The following NSMCE2 variants were observed in gnomAD, a reference collection of about 807,000 sequenced individuals.
NSMCE2 encodes E3 SUMO-protein ligase NSE2.
In NSMCE2, 24 loss-of-function variants were observed where a neutral mutation model predicts 23.8. That is an observed-to-expected ratio of 1.01 (90% confidence interval 0.73 to 1.42). The LOEUF (loss-of-function observed/expected upper bound fraction) is 1.42. NSMCE2 is among the 40% of genes most tolerant of loss of function. The probability of loss-of-function intolerance (pLI) is 0.00; values close to 1 mark genes in which losing one functional copy is unlikely to be tolerated. For missense variants in NSMCE2, 284 were observed against 296.5 expected, an observed-to-expected ratio of 0.96 and a Z score of 0.31; for synonymous variants, 92 against 94.1, an observed-to-expected ratio of 0.98 and a Z score of 0.13.
chr8:125,212,898 T>G (rs1479570701), intron 5 of NSMCE2, among the ~76,000 whole-genome samples: 2 of 152,170 alleles, frequency 1.3e-5, no homozygotes, highest in Non-Finnish European at 2.9e-5. Flanking sequence ...ATCTGCTAAT[T>G]CAAATATTTG....
chr8:125,204,647 G>A (rs1824032374), intron 5 of NSMCE2, among the ~76,000 whole-genome samples: 1 of 152,188 alleles, frequency 6.6e-6, no homozygotes, highest in Non-Finnish European at 1.5e-5. Context: ...GTAGAGCACA[G>A]GGGTTTTACT....
intron 5 of NSMCE2, among the ~76,000 whole-genome samples, chr8:125,271,146 A>G (rs1827171718): frequency 1.3e-5 from 2 of 151,948 alleles, no homozygotes; most frequent in Admixed American, 1.3e-4. Context: ...CTATAATCCC[A>G]GCTACTCAGG....
chr8:125,287,625 A>ACAAACCCACT (rs1827951262), intron 5 of NSMCE2, among the ~76,000 whole-genome samples: 2 of 152,314 alleles, frequency 1.3e-5, no homozygotes, highest in South Asian at 2.1e-4. Context: ...CACTCAGGCT[A>ACAAACCCACT]CAAACCCACT....
At chr8:125,241,488 G>A (rs1227698820) in intron 5 of NSMCE2, among the ~76,000 whole-genome samples, 1 of 152,236 alleles carries the variant, frequency 6.6e-6, no homozygotes, top group African/African-American at 2.4e-5. Context: ...TTATATCTGG[G>A]TCGTTTGTTT....
chr8:125,158,060 G>A (rs577412249), intron 4 of NSMCE2, among the ~76,000 whole-genome samples: 1 of 152,276 alleles, frequency 6.6e-6, no homozygotes, highest in East Asian at 1.9e-4. Flanking sequence ...TCTCTCTGGA[G>A]GAGGGACTGA....
chr8:125,354,712 C>T (rs1813181308), intron 5 of NSMCE2, among the ~76,000 whole-genome samples: 1 of 152,200 alleles, frequency 6.6e-6, no homozygotes, highest in African/African-American at 2.4e-5. Context: ...TACCAGTCTA[C>T]TCCAAGAAGG....
At chr8:125,357,905 C>G in intron 7 of NSMCE2, 87 bp downstream of exon 7, 5 of 862,760 alleles carry the variant, frequency 5.8e-6, no homozygotes, top group Non-Finnish European at 9.6e-6. Flanking sequence ...AGAGGCACTT[C>G]AATGTCTCTT....
chr8:125,109,836 C>T (rs866269858), intron 3 of NSMCE2, among the ~76,000 whole-genome samples: 3 of 152,100 alleles, frequency 2.0e-5, no homozygotes, highest in Non-Finnish European at 1.5e-5. Flanking sequence ...CATGTTTATT[C>T]ATTTTTCTCT....
chr8:125,333,337 T>C (rs1018915717), intron 5 of NSMCE2, among the ~76,000 whole-genome samples: 15 of 150,820 alleles, frequency 9.9e-5, no homozygotes, highest in African/African-American at 3.2e-4. Flanking sequence ...GCCTGGGTAA[T>C]TTTTTATTTT....
intron 3 of NSMCE2, among the ~76,000 whole-genome samples, chr8:125,141,841 GC>G (rs894869566): frequency 3.5e-4 from 54 of 152,248 alleles, no homozygotes; most frequent in African/African-American, 1.2e-3. Flanking sequence ...AGTGTTAGCT[GC>G]CCGTTCTTCT....
At chr8:125,251,453 T>C (rs1322091844) in intron 5 of NSMCE2, among the ~76,000 whole-genome samples, 1 of 152,238 alleles carries the variant, frequency 6.6e-6, no homozygotes, top group Non-Finnish European at 1.5e-5. Context: ...GATTAAATAT[T>C]AATGTAGAAG....
At chr8:125,094,012 C>A (rs1817809921) in intron 1 of NSMCE2, among the ~76,000 whole-genome samples, 1 of 151,684 alleles carries the variant, frequency 6.6e-6, no homozygotes, top group African/African-American at 2.4e-5. Flanking sequence ...CTGTGTTGCC[C>A]AGGCTGGTCT....
chr8:125,175,667 T>C (rs919766799), intron 4 of NSMCE2, among the ~76,000 whole-genome samples: 6 of 152,208 alleles, frequency 3.9e-5, no homozygotes, highest in African/African-American at 7.2e-5. Context: ...TTAATATCCT[T>C]AGCTCCTGTG....
At chr8:125,194,201 C>G (rs755317069) in intron 5 of NSMCE2, among the ~76,000 whole-genome samples, 4 of 152,120 alleles carry the variant, frequency 2.6e-5, no homozygotes, top group Non-Finnish European at 5.9e-5. Context: ...CTGCACAGTT[C>G]TATCAATCAA....
chr8:125,127,993 G>C (rs1183256705), intron 3 of NSMCE2, among the ~76,000 whole-genome samples: 1 of 152,096 alleles, frequency 6.6e-6, no homozygotes, highest in Non-Finnish European at 1.5e-5. Flanking sequence ...AAAAAGCTTT[G>C]GATTTTGGAG....
At position 125,328,014 on chromosome 8, in the gene NSMCE2, T is replaced by G. The variant is rs560761023; in HGVS notation, c.419-29205T>G. On this transcript the variant is annotated intron_variant, in intron 5 of 7. Coordinates refer to ENST00000287437, the MANE Select transcript of NSMCE2 (RefSeq NM_173685.4). Reference sequence around the variant, plus strand: ...AACTATCATAATTATGGGTGAGGTTTTCTAGCACAAGGAAAATCATTTTTT... The same window carrying G: ...AACTATCATAATTATGGGTGAGGTTGTCTAGCACAAGGAAAATCATTTTTT... 7.9e-5 allele frequency among the ~76,000 whole-genome samples: 12 copies of G among 152,338 alleles called. 1 individual carries two copies. The South Asian group carries it at 2.5e-3, about 32-fold the overall frequency.
chr8:125,350,409 G>A (rs1812984449), intron 5 of NSMCE2, among the ~76,000 whole-genome samples: 1 of 152,188 alleles, frequency 6.6e-6, no homozygotes, highest in Non-Finnish European at 1.5e-5. Flanking sequence ...GGAGGAGCTT[G>A]GCATGTTCCA....
At chr8:125,205,109 G>C (rs566740329) in intron 5 of NSMCE2, among the ~76,000 whole-genome samples, 3 of 152,270 alleles carry the variant, frequency 2.0e-5, no homozygotes, top group African/African-American at 7.2e-5. Flanking sequence ...CACTCTTGCT[G>C]ATCTCTTCAT....
chr8:125,288,370 G>A (rs1827978875), intron 5 of NSMCE2, among the ~76,000 whole-genome samples: 1 of 152,114 alleles, frequency 6.6e-6, no homozygotes, highest in Admixed American at 6.5e-5. Flanking sequence ...CTCAGGTAGT[G>A]CATCATACAC....
Sources: allele counts gnomAD v4.1 joint callset (sites outside exome capture counted in the v4.1 genomes callset), GRCh38; gene constraint gnomAD v4.1.1; transcripts MANE v1.5; gene names NCBI Gene and HGNC (gene_info 2026-07-23, HGNC 2026-07-21).